RBFOX1: variants seen among roughly 807,000 people sequenced by gnomAD.
RBFOX1 encodes RNA binding fox-1 homolog 1.
A neutral mutation model predicts 57.7 loss-of-function variants in RBFOX1; 8 were observed. The ratio of observed to expected loss-of-function variants is 0.14; its 90% confidence interval spans 0.08 to 0.25. The LOEUF (loss-of-function observed/expected upper bound fraction) is 0.25, where lower values mean the gene tolerates loss of function less well. Ranked by LOEUF, RBFOX1 falls within the 10% of genes least tolerant of loss-of-function variation. The probability of loss-of-function intolerance (pLI) is 1.00; values close to 1 mark genes in which losing one functional copy is unlikely to be tolerated. For synonymous variants in RBFOX1, 326 were observed against 222.4 expected, an observed-to-expected ratio of 1.47 and a Z score of -4.15; for missense variants, 611 against 548.5, an observed-to-expected ratio of 1.11 and a Z score of -1.14.
intron 4 of RBFOX1, among the ~76,000 whole-genome samples, chr16:7,242,948 T>G (rs1039503485): frequency 1.3e-5 from 2 of 152,218 alleles, no homozygotes; most frequent in Non-Finnish European, 2.9e-5. Flanking sequence ...CCTGTCTACC[T>G]TCTTTATCTT....
intron 3 of RBFOX1, among the ~76,000 whole-genome samples, chr16:5,865,010 C>T (rs1004665382): frequency 6.6e-5 from 10 of 152,174 alleles, no homozygotes; most frequent in Non-Finnish European, 1.0e-4. Flanking sequence ...ATGGTAGATG[C>T]GAGAAGTGGC....
At chr16:5,553,920 AAAC>A (rs775311966) in intron 2 of RBFOX1, among the ~76,000 whole-genome samples, 11 of 151,974 alleles carry the variant, frequency 7.2e-5, no homozygotes, top group Non-Finnish European at 1.2e-4. Flanking sequence ...GACGATTGGC[AAAC>A]AACAGACATG....
intron 5 of RBFOX1, among the ~76,000 whole-genome samples, chr16:7,567,285 A>C (rs2091998597): frequency 7.9e-6 from 1 of 127,010 alleles, no homozygotes; most frequent in African/African-American, 3.0e-5. Context: ...ATATCCCTAT[A>C]TATCCTTATA....
intron 1 of RBFOX1, among the ~76,000 whole-genome samples, chr16:6,226,203 CAAAAAA>C (rs543386716): frequency 1.0e-5 from 1 of 99,978 alleles, no homozygotes; most frequent in African/African-American, 4.3e-5. Flanking sequence ...ACTAAAAATA[CAAAAAA>C]AAAAAAAAAA....
At chr16:6,550,992 G>C (rs1295909950) in intron 2 of RBFOX1, among the ~76,000 whole-genome samples, 1 of 152,294 alleles carries the variant, frequency 6.6e-6, no homozygotes, top group Admixed American at 6.5e-5. Flanking sequence ...TAGTTTGGAG[G>C]AGCACAGGAG....
intron 3 of RBFOX1, among the ~76,000 whole-genome samples, chr16:6,877,518 G>A (rs186539187): frequency 1.3e-5 from 2 of 152,150 alleles, no homozygotes; most frequent in Non-Finnish European, 2.9e-5. Flanking sequence ...AGGAAAAAGA[G>A]CATCGACTCT....
At chr16:6,076,637 T>C (rs2152497181) in intron 1 of RBFOX1, among the ~76,000 whole-genome samples, 1 of 125,040 alleles carries the variant, frequency 8.0e-6, no homozygotes, top group African/African-American at 2.6e-5. Flanking sequence ...CTGGGAAATC[T>C]ATAAAATTTT....
At position 6,776,405 on chromosome 16, in the gene RBFOX1, C is replaced by T. The variant is rs142347837; in HGVS notation, c.-16+121755C>T. 5.2e-3 allele frequency among the ~76,000 whole-genome samples: 780 copies of T among 149,180 alleles called. 9 individuals are homozygous for T. The highest frequency in any genetic ancestry group is 0.018 in the African/African-American group (742 of 40,774). On this transcript the variant is annotated intron_variant, in intron 3 of 15. Transcript: ENST00000550418. ...CAGCCTGGGTGACAGAGTGAGACTCCACCTCGGAAAAAAACAAAAAACAAA... is the reference window on the plus strand; with the variant it reads ...CAGCCTGGGTGACAGAGTGAGACTCTACCTCGGAAAAAAACAAAAAACAAA...
intron 3 of RBFOX1, among the ~76,000 whole-genome samples, chr16:6,713,941 G>C (rs888630748): frequency 6.6e-6 from 1 of 152,234 alleles, no homozygotes; most frequent in Admixed American, 6.5e-5. Context: ...AAGCAGACCT[G>C]AGGCAATAAT....
At chr16:7,504,739 A>ATATATATATATATTTATATATATATT (rs2072376072) in intron 4 of RBFOX1, among the ~76,000 whole-genome samples, 2 of 7,980 alleles carry the variant, frequency 2.5e-4, no homozygotes, top group Non-Finnish European at 4.7e-4. Context: ...ATATATATAT[A>ATATATATATATATTTATATATATATT]TATATATATA....
chr16:6,436,382 C>G (rs1597223958), intron 2 of RBFOX1, among the ~76,000 whole-genome samples: 1 of 152,254 alleles, frequency 6.6e-6, no homozygotes, highest in South Asian at 2.1e-4. Flanking sequence ...AGATTCAGTC[C>G]TGTCCTGTGC....
chr16:5,612,274 C>T (rs1375063913), intron 3 of RBFOX1, among the ~76,000 whole-genome samples: 1 of 151,998 alleles, frequency 6.6e-6, no homozygotes, highest in Non-Finnish European at 1.5e-5. Flanking sequence ...TCTACTCTCC[C>T]AGTCACTCTC....
chr16:5,523,179 G>A (rs554096425), intron 2 of RBFOX1, among the ~76,000 whole-genome samples: 2 of 152,100 alleles, frequency 1.3e-5, no homozygotes, highest in South Asian at 2.1e-4. Context: ...CCAGCTACTC[G>A]GGAGGCTGAG....
At chr16:7,442,452 T>G (rs2098775898) in intron 4 of RBFOX1, among the ~76,000 whole-genome samples, 1 of 152,072 alleles carries the variant, frequency 6.6e-6, no homozygotes, top group African/African-American at 2.4e-5. Flanking sequence ...ACAAAATTAT[T>G]AGAAGCCCTG....
chr16:5,438,840 C>T (rs1391568227), intron 1 of RBFOX1, among the ~76,000 whole-genome samples: 3 of 152,024 alleles, frequency 2.0e-5, no homozygotes, highest in Non-Finnish European at 4.4e-5. Context: ...GGGTCAAAAT[C>T]CCGCCTTCAC....
intron 3 of RBFOX1, among the ~76,000 whole-genome samples, chr16:6,999,216 A>ATTTTTTTTTTTTTTTTTTTTTTT (rs374767232): frequency 9.2e-5 from 10 of 109,026 alleles, no homozygotes; most frequent in East Asian, 2.4e-4. Context: ...ATTTTTATTT[A>ATTTTTTTTTTTTTTTTTTTTTTT]TTTTTTTTAT....
At chr16:6,074,097 C>T (rs1036136634) in intron 1 of RBFOX1, among the ~76,000 whole-genome samples, 10 of 152,130 alleles carry the variant, frequency 6.6e-5, no homozygotes, top group Non-Finnish European at 1.5e-4. Context: ...TATAGGCGCC[C>T]GCCACCACGC....
chr16:7,282,879 A>G (rs1217992914), intron 4 of RBFOX1, among the ~76,000 whole-genome samples: 3 of 152,126 alleles, frequency 2.0e-5, no homozygotes, highest in Admixed American at 1.3e-4. Flanking sequence ...ATAGTCTCCA[A>G]TCGCATCCAG....
intron 4 of RBFOX1, among the ~76,000 whole-genome samples, chr16:7,181,759 C>A (rs190987179): frequency 1.3e-5 from 2 of 152,142 alleles, no homozygotes; most frequent in Admixed American, 1.3e-4. Flanking sequence ...CACAGTCTTG[C>A]CATGTTACCC....
Sources: allele counts gnomAD v4.1 joint callset (sites outside exome capture counted in the v4.1 genomes callset), GRCh38; gene constraint gnomAD v4.1.1; transcripts MANE v1.5; gene names NCBI Gene and HGNC (gene_info 2026-07-23, HGNC 2026-07-21).